Variants in GAB2 observed in about 807,000 individuals in gnomAD.
The protein encoded by GAB2 is GRB2 associated binding protein 2.
In GAB2, 26 loss-of-function variants were observed where a neutral mutation model predicts 65.5. That is an observed-to-expected ratio of 0.40 (90% CI 0.29 to 0.55). GAB2 has a LOEUF of 0.55. Ranked by LOEUF, GAB2 falls within the 20% of genes least tolerant of loss-of-function variation. GAB2 has a pLI of 0.53. For synonymous variants in GAB2, 321 were observed against 329.6 expected (o/e 0.97, Z 0.28); for missense variants, 884 against 875.8 (o/e 1.01, Z -0.12).
chr11:78,220,466 T>G (rs1864367168), intron 8 of GAB2, 22 bp from the exon 9 acceptor site: 3 of 1,546,392 alleles, frequency 1.9e-6, no homozygotes, highest in Non-Finnish European at 2.6e-6. Context: ...AGGAAAAAAC[T>G]GTGAGTGACT....
At chr11:78,276,020 A>C (rs1293647686) in intron 2 of GAB2, among the ~76,000 whole-genome samples, 2 of 151,000 alleles carry the variant, frequency 1.3e-5, no homozygotes, top group Admixed American at 6.6e-5. Flanking sequence ...AGGCTGGGGC[A>C]GGAGAATTGC....
At chr11:78,245,853 A>T (rs1330816020) in intron 3 of GAB2, among the ~76,000 whole-genome samples, 1 of 152,098 alleles carries the variant, frequency 6.6e-6, no homozygotes, top group African/African-American at 2.4e-5. Context: ...TTTTTCCTTT[A>T]TCTGAGAACG....
At chr11:78,398,888 C>T (rs1386434648) in intron 1 of GAB2, among the ~76,000 whole-genome samples, 1 of 152,140 alleles carries the variant, frequency 6.6e-6, no homozygotes, top group African/African-American at 2.4e-5. Context: ...CTAGTAGGGT[C>T]AAGTCAAAAG....
intron 1 of GAB2, among the ~76,000 whole-genome samples, chr11:78,411,470 T>C (rs902182900): frequency 6.6e-6 from 1 of 151,814 alleles, no homozygotes; most frequent in Non-Finnish European, 1.5e-5. Context: ...ATAGCTAGAG[T>C]TGGCAAGATT....
At chr11:78,397,908 T>A (rs1242006452) in intron 1 of GAB2, among the ~76,000 whole-genome samples, 1 of 152,006 alleles carries the variant, frequency 6.6e-6, no homozygotes, top group Non-Finnish European at 1.5e-5. Context: ...AAAAAGTAAA[T>A]CCAGGCACAG....
At chr11:78,342,602 G>T (rs932248688) in intron 1 of GAB2, among the ~76,000 whole-genome samples, 1 of 152,024 alleles carries the variant, frequency 6.6e-6, no homozygotes, top group African/African-American at 2.4e-5. Flanking sequence ...TAGAGACGGG[G>T]TTTCACCATG....
chr11:78,370,506 G>A (rs1349140149), intron 1 of GAB2, among the ~76,000 whole-genome samples: 2 of 152,108 alleles, frequency 1.3e-5, no homozygotes, highest in Non-Finnish European at 2.9e-5. Flanking sequence ...AAAACAGTCT[G>A]GAGCAAAGCT....
intron 2 of GAB2, among the ~76,000 whole-genome samples, chr11:78,250,887 T>C (rs1339635144): frequency 1.3e-5 from 2 of 152,172 alleles, no homozygotes; most frequent in East Asian, 3.9e-4. Flanking sequence ...CACTTATAAG[T>C]TGGAGCTAAA....
chr11:78,318,718 G>T (rs555877482), intron 1 of GAB2, among the ~76,000 whole-genome samples: 2 of 152,140 alleles, frequency 1.3e-5, no homozygotes, highest in South Asian at 2.1e-4. Flanking sequence ...GGTTTCTGAC[G>T]AATTCTGAAT....
chr11:78,384,854 G>A (rs951153823), intron 1 of GAB2, among the ~76,000 whole-genome samples: 2 of 152,200 alleles, frequency 1.3e-5, no homozygotes, highest in African/African-American at 4.8e-5. Flanking sequence ...GAGCACAAAA[G>A]CACCAAAGAC....
In GAB2 at chr11:78,280,765, G is replaced by A; in HGVS notation, c.212C>T (p.Ala71Val). ...CTCCTTCTTGTTAAAGGTCAGGCCT[G>A]CATCTACCTGCTCACAGAAGTTCAG... ...INLNFCEQVD[A>V]GLTFNKKELQ... The change falls in exon 2 of 10, where the codon GCA becomes GTA. Residue 71 changes from alanine to valine, a missense_variant. Transcript: ENST00000361507. The A allele has an allele frequency of 6.2e-7, 1 of 1,614,148 alleles. No homozygotes were observed. The highest frequency in any genetic ancestry group is 8.5e-7 in the Non-Finnish European group (1 of 1,179,998).
At chr11:78,300,969 AC>A (rs1457202343) in intron 1 of GAB2, among the ~76,000 whole-genome samples, 2 of 152,188 alleles carry the variant, frequency 1.3e-5, no homozygotes, top group Non-Finnish European at 2.9e-5. Context: ...TGCTGGGATT[AC>A]AGGTGTAAGC....
At chr11:78,337,169 C>T (rs1856016918) in intron 1 of GAB2, among the ~76,000 whole-genome samples, 1 of 152,214 alleles carries the variant, frequency 6.6e-6, no homozygotes, top group Admixed American at 6.5e-5. Context: ...TCAACACATT[C>T]TTAGCATTTG....
intron 1 of GAB2, among the ~76,000 whole-genome samples, chr11:78,384,360 C>CT (rs1297581192): frequency 6.6e-6 from 1 of 152,216 alleles, no homozygotes; most frequent in African/African-American, 2.4e-5. Flanking sequence ...CTTGCAGGCA[C>CT]TTCCGGAGCT....
intron 1 of GAB2, among the ~76,000 whole-genome samples, chr11:78,305,695 C>A (rs989045956): frequency 2.6e-5 from 4 of 152,252 alleles, no homozygotes; most frequent in African/African-American, 9.6e-5. Context: ...GAAAATGCAG[C>A]TAAATAAATA....
At chr11:78,254,457 C>T (rs1470107387) in intron 2 of GAB2, among the ~76,000 whole-genome samples, 2 of 152,160 alleles carry the variant, frequency 1.3e-5, no homozygotes, top group African/African-American at 4.8e-5. Context: ...TGGATTTCTA[C>T]TCTACCAGCA....
chr11:78,363,653 C>A (rs532917795), intron 1 of GAB2, among the ~76,000 whole-genome samples: 2 of 151,258 alleles, frequency 1.3e-5, no homozygotes, highest in East Asian at 3.9e-4. Context: ...GGGACACCCA[C>A]AGCTCACTGC....
At chr11:78,348,016 A>G (rs1425002591) in intron 1 of GAB2, among the ~76,000 whole-genome samples, 1 of 152,218 alleles carries the variant, frequency 6.6e-6, no homozygotes, top group East Asian at 1.9e-4. Flanking sequence ...GATAGAGAAA[A>G]AAATCATAAG....
chr11:78,231,575 C>A (rs551973169), intron 3 of GAB2, among the ~76,000 whole-genome samples: 13 of 152,306 alleles, frequency 8.5e-5, no homozygotes, highest in Middle Eastern at 6.8e-3. Flanking sequence ...GTCTCGAACT[C>A]CTGACCTCGT....
Sources: allele counts gnomAD v4.1 joint callset (sites outside exome capture counted in the v4.1 genomes callset), GRCh38; gene constraint gnomAD v4.1.1; transcripts MANE v1.5; gene names NCBI Gene and HGNC (gene_info 2026-07-23, HGNC 2026-07-21).